The following DPYD variants were observed in gnomAD, a reference collection of about 807,000 sequenced individuals.
The protein encoded by DPYD is dihydropyrimidine dehydrogenase [NADP(+)].
Under a neutral mutation model 116.2 loss-of-function variants are expected in DPYD, and 109 were observed. The ratio of observed to expected loss-of-function variants is 0.94; its 90% CI spans 0.80 to 1.10. The LOEUF is 1.10. Ranked by LOEUF, DPYD falls within the 50% of genes least tolerant of loss-of-function variation. The pLI, the probability that DPYD is intolerant of heterozygous loss-of-function variation, is 0.00. For missense variants in DPYD, 1,302 were observed against 1,254.5 expected (o/e 1.04, Z -0.57); for synonymous variants, 440 against 432.0 (o/e 1.02, Z -0.23).
intron 20 of DPYD, among the ~76,000 whole-genome samples, chr1:97,177,379 A>G (rs1241156317): frequency 6.6e-6 from 1 of 152,180 alleles, no homozygotes; most frequent in African/African-American, 2.4e-5. Context: ...TTGAGTGATC[A>G]GTAGTAAATA....
intron 3 of DPYD, among the ~76,000 whole-genome samples, chr1:97,795,294 T>C (rs559097542): frequency 6.6e-6 from 1 of 152,184 alleles, no homozygotes; most frequent in African/African-American, 2.4e-5. Context: ...AATTCATTCA[T>C]TCAACAAATA....
chr1:97,485,393 G>C (rs1340976602), intron 13 of DPYD, among the ~76,000 whole-genome samples: 2 of 152,082 alleles, frequency 1.3e-5, no homozygotes, highest in Non-Finnish European at 2.9e-5. Flanking sequence ...GTAGAGATGA[G>C]GTTTTGCCAT....
chr1:97,346,267 T>C (rs752032120), intron 16 of DPYD, among the ~76,000 whole-genome samples: 2 of 151,806 alleles, frequency 1.3e-5, no homozygotes, highest in Non-Finnish European at 3.0e-5. Context: ...TTTTTATCTC[T>C]TCTACCATAA....
intron 11 of DPYD, among the ~76,000 whole-genome samples, chr1:97,559,641 G>A (rs1651997493): frequency 6.6e-6 from 1 of 150,926 alleles, no homozygotes; most frequent in African/African-American, 2.4e-5. Flanking sequence ...CCATCTTACG[G>A]CTTTTTTTTT....
chr1:97,184,377 C>T (rs1384781589), intron 20 of DPYD, among the ~76,000 whole-genome samples: 1 of 152,074 alleles, frequency 6.6e-6, no homozygotes, highest in Non-Finnish European at 1.5e-5. Flanking sequence ...ATTTGCACTT[C>T]CATTGACAGT....
intron 19 of DPYD, among the ~76,000 whole-genome samples, chr1:97,228,968 T>C (rs1014787197): frequency 2.6e-5 from 4 of 151,556 alleles, no homozygotes; most frequent in African/African-American, 9.7e-5. Context: ...GAGGCCGAGG[T>C]GGGCGGATCA....
intron 8 of DPYD, among the ~76,000 whole-genome samples, chr1:97,619,977 C>T (rs1030198457): frequency 4.0e-5 from 6 of 151,452 alleles, no homozygotes; most frequent in Admixed American, 1.3e-4. Context: ...CTGTAAGAAC[C>T]GTTTTTAGCC....
At chr1:97,296,270 G>A (rs985413207) in intron 18 of DPYD, 8 of 152,108 alleles carry the variant, frequency 5.3e-5, no homozygotes, top group African/African-American at 1.9e-4. Context: ...AATAGAAAGA[G>A]CAAGTCATCA....
At chr1:97,444,462 T>C (rs893264198) in intron 14 of DPYD, among the ~76,000 whole-genome samples, 2 of 152,170 alleles carry the variant, frequency 1.3e-5, no homozygotes, top group Admixed American at 1.3e-4. Context: ...TATGAAATGC[T>C]CTTAATAAAC....
intron 2 of DPYD, among the ~76,000 whole-genome samples, chr1:97,839,228 TTTAA>T (rs2101527812): frequency 6.6e-6 from 1 of 152,356 alleles, no homozygotes; most frequent in East Asian, 1.9e-4. Context: ...TTGTAAATGG[TTTAA>T]TTTTTTAACT....
chr1:97,273,322 T>TA (rs1423206501), intron 18 of DPYD, among the ~76,000 whole-genome samples: 2 of 152,150 alleles, frequency 1.3e-5, no homozygotes, highest in Non-Finnish European at 2.9e-5. Flanking sequence ...TTTCTGATCC[T>TA]AAAATCTTTG....
chr1:97,091,875 G>A (rs931092229), intron 21 of DPYD, among the ~76,000 whole-genome samples: 3 of 152,118 alleles, frequency 2.0e-5, no homozygotes, highest in African/African-American at 7.2e-5. Context: ...CAGCCAGAAA[G>A]ATCCTTTGCA....
chr1:97,635,220 A>C (rs961008413), intron 8 of DPYD, among the ~76,000 whole-genome samples: 1 of 151,908 alleles, frequency 6.6e-6, no homozygotes, highest in Non-Finnish European at 1.5e-5. Context: ...TTATGTAGGG[A>C]CCGATATATA....
chr1:97,849,632 A>G (rs1288167669), intron 2 of DPYD, among the ~76,000 whole-genome samples: 1 of 152,148 alleles, frequency 6.6e-6, no homozygotes, highest in African/African-American at 2.4e-5. Context: ...GCACACTCCA[A>G]GCACTCCACA....
chr1:97,329,521 C>T (rs1011879336), intron 16 of DPYD, among the ~76,000 whole-genome samples: 5 of 151,526 alleles, frequency 3.3e-5, no homozygotes, highest in South Asian at 2.1e-4. Context: ...CCCAGGTGGG[C>T]GGATCACCTG....
intron 13 of DPYD, among the ~76,000 whole-genome samples, chr1:97,497,581 C>A (rs1679342370): frequency 6.6e-6 from 1 of 151,750 alleles, no homozygotes; most frequent in South Asian, 2.1e-4. Context: ...CATATTTTTA[C>A]TTTTTCTACT....
chr1:97,181,349 TA>T (rs947793327), intron 20 of DPYD, among the ~76,000 whole-genome samples: 9 of 152,122 alleles, frequency 5.9e-5, no homozygotes, highest in Non-Finnish European at 1.3e-4. Context: ...GCCCCTCCCC[TA>T]ATGGTTCACG....
chr1:97,686,365 G>A (rs1443475593), intron 7 of DPYD, among the ~76,000 whole-genome samples: 1 of 151,928 alleles, frequency 6.6e-6, no homozygotes, highest in Admixed American at 6.6e-5. Flanking sequence ...GGCCGGGCGC[G>A]GTGGCTCACG....
At chr1:97,772,611 G>T (rs1362927443) in intron 3 of DPYD, among the ~76,000 whole-genome samples, 1 of 152,140 alleles carries the variant, frequency 6.6e-6, no homozygotes, top group African/African-American at 2.4e-5. Context: ...ACTTGTGAAA[G>T]AAAGAATTTA....
Sources: gnomAD v4.1 joint callset for allele counts (sites outside exome capture counted in the v4.1 genomes callset) on GRCh38, gnomAD v4.1.1 for gene constraint, MANE v1.5 for transcripts, NCBI Gene and HGNC (gene_info 2026-07-23, HGNC 2026-07-21) for gene names.